Variants in SYT16 observed in about 807,000 individuals in gnomAD.
SYT16 encodes synaptotagmin-16.
A neutral mutation model predicts 61.4 loss-of-function variants in SYT16; 42 were observed. That is an observed-to-expected ratio of 0.68 (90% CI 0.53 to 0.89). The LOEUF (loss-of-function observed/expected upper bound fraction) is 0.89, where lower values mean the gene tolerates loss of function less well. SYT16 is among the 40% of genes least tolerant of loss of function. The probability of loss-of-function intolerance (pLI) is 0.00; values close to 1 mark genes in which losing one functional copy is unlikely to be tolerated. For missense variants in SYT16, 804 were observed against 807.3 expected (o/e 1.00, Z 0.05); for synonymous variants, 314 against 302.3 (o/e 1.04, Z -0.40).
In SYT16 at chr14:62,084,245, C is replaced by T; in HGVS notation, c.1484C>T (p.Thr495Ile). 1 of 1,613,940 alleles carries T rather than the reference C, an allele frequency of 6.2e-7. No homozygotes were observed. Among genetic ancestry groups the T allele is most frequent in the South Asian group, 1.1e-5 (1 of 91,072 alleles). ...TCTGCGGTTTCTCACAGTGATAGTA[C>T]TTCATCCACGCAGTCGCTGTCTCAT... ...SPSAVSHSDS[T>I]SSTQSLSHGG... Residue 495 changes from threonine to isoleucine, a missense_variant, in exon 7 of 8, where the codon ACT (threonine) becomes ATT (isoleucine). Physicochemically the swap from Thr to Ile is moderately conservative, Grantham distance 89. Transcript: ENST00000683842.
intron 3 of SYT16, among the ~76,000 whole-genome samples, chr14:62,054,329 C>G (rs1223277969): frequency 6.8e-6 from 1 of 146,560 alleles, no homozygotes; most frequent in Non-Finnish European, 1.5e-5. Context: ...TTGAATATGG[C>G]CTTTATAAAA....
intron 1 of SYT16, among the ~76,000 whole-genome samples, chr14:61,834,985 G>A (rs1184411357): frequency 2.6e-5 from 4 of 152,164 alleles, no homozygotes; most frequent in African/African-American, 2.4e-5. Flanking sequence ...TTTCATTAAG[G>A]TCTTAAAGAA....
chr14:62,045,856 T>C (rs2054956612), intron 3 of SYT16, among the ~76,000 whole-genome samples: 1 of 152,222 alleles, frequency 6.6e-6, no homozygotes, highest in African/African-American at 2.4e-5. Context: ...CTATCATTGT[T>C]GGACATTTAG....
chr14:62,074,241 G>A (rs184019846), intron 4 of SYT16, among the ~76,000 whole-genome samples: 1 of 152,314 alleles, frequency 6.6e-6, no homozygotes, highest in East Asian at 1.9e-4. Context: ...GGTGAGGGGT[G>A]CTGAGAGAGA....
intron 1 of SYT16, among the ~76,000 whole-genome samples, chr14:61,926,337 C>T (rs2049536634): frequency 6.6e-6 from 1 of 152,172 alleles, no homozygotes; most frequent in African/African-American, 2.4e-5. Flanking sequence ...AGGACATAGA[C>T]AGACATATGA....
chr14:61,996,128 G>C lies in SYT16; in HGVS notation c.109G>C (p.Ala37Pro). The C allele has an allele frequency of 2.5e-6, 4 of 1,613,306 alleles. No individual in the cohort carries two copies. The highest frequency in any genetic ancestry group is 3.4e-6 in the Non-Finnish European group (4 of 1,179,528). ...CCAGCAAGCAGGAGATATGTTATCTGCTTCGCTGGTTAACATAAGCAAACA... is the reference window on the plus strand; with the variant it reads ...CCAGCAAGCAGGAGATATGTTATCTCCTTCGCTGGTTAACATAAGCAAACA... ...ALQQAGDMLS[A>P]SLVNISKQDS... The change falls in exon 3 of 8, where the codon GCT becomes CCT. Residue 37 changes from alanine to proline, a missense_variant. Transcript: ENST00000683842.
At chr14:61,980,944 G>T (rs1218463440) in intron 2 of SYT16, among the ~76,000 whole-genome samples, 2 of 111,772 alleles carry the variant, frequency 1.8e-5, no homozygotes, top group African/African-American at 7.8e-5. Flanking sequence ...TACCAACATT[G>T]TGTGTGTGTG....
At chr14:62,082,689 A>T (rs1412529399) in intron 6 of SYT16, among the ~76,000 whole-genome samples, 1 of 152,196 alleles carries the variant, frequency 6.6e-6, no homozygotes, top group African/African-American at 2.4e-5. Flanking sequence ...ATCGGAAATG[A>T]TGGAAAACAG....
chr14:61,999,918 T>C (rs936128483), intron 3 of SYT16, among the ~76,000 whole-genome samples: 1 of 151,714 alleles, frequency 6.6e-6, no homozygotes, highest in Non-Finnish European at 1.5e-5. Flanking sequence ...AGCACATACT[T>C]TCCGTTATTT....
chr14:61,927,749 G>A (rs35239177), intron 1 of SYT16, among the ~76,000 whole-genome samples: 5,226 of 152,252 alleles, frequency 0.034, 135 homozygotes, highest in Non-Finnish European at 0.056. Context: ...TGCTAGGTGG[G>A]AACTGCAGTT....
intron 3 of SYT16, among the ~76,000 whole-genome samples, chr14:62,028,582 T>C (rs763828560): frequency 6.6e-6 from 1 of 152,094 alleles, no homozygotes; most frequent in Admixed American, 6.6e-5. Context: ...GTTGGAAAAA[T>C]TTTTATATTA....
At chr14:61,875,160 A>C (rs1344579436) in intron 1 of SYT16, among the ~76,000 whole-genome samples, 2 of 152,248 alleles carry the variant, frequency 1.3e-5, no homozygotes, top group African/African-American at 4.8e-5. Context: ...GCATTGCTCA[A>C]AATTGATAAG....
At chr14:61,827,237 C>A (rs1202296547) in intron 1 of SYT16, among the ~76,000 whole-genome samples, 1 of 152,204 alleles carries the variant, frequency 6.6e-6, no homozygotes, top group Non-Finnish European at 1.5e-5. Context: ...TCAGCCCTAT[C>A]TCTGTTCCCC....
chr14:61,864,481 A>G lies in SYT16; in HGVS notation c.-325+51671A>G, dbSNP rs114270851. Among the ~76,000 whole-genome samples, 896 of 152,378 alleles carry G rather than the reference A, an allele frequency of 5.9e-3. 13 individuals are homozygous for G. Among genetic ancestry groups the G allele is most frequent in the African/African-American group, 0.021 (864 of 41,602 alleles). On this transcript the variant is annotated intron_variant, in intron 1 of 7. Transcript: ENST00000683842. ...GGGCTCCGCTGTCCACTGGCGCAGT[A>G]CTTGGCAGCGGCCAGCGTGGGCCGC...
chr14:61,838,780 G>A (rs1448785843), intron 1 of SYT16, among the ~76,000 whole-genome samples: 1 of 152,162 alleles, frequency 6.6e-6, no homozygotes, highest in Admixed American at 6.5e-5. Context: ...TTATTGGAAG[G>A]GAGAAGGGAA....
intron 3 of SYT16, among the ~76,000 whole-genome samples, chr14:62,006,819 T>A (rs1276042168): frequency 6.6e-6 from 1 of 152,210 alleles, no homozygotes; most frequent in Non-Finnish European, 1.5e-5. Context: ...ATGCTTTTTT[T>A]GAAGCTGTTT....
In SYT16 at chr14:61,933,250, G is replaced by T. The variant is rs79316685; in HGVS notation, c.-324-36882G>T. Among the ~76,000 whole-genome samples the T allele has an allele frequency of 6.1e-3, 936 of 152,322 alleles. 10 individuals carry two copies. Among genetic ancestry groups the T allele is most frequent in the African/African-American group, 0.021 (879 of 41,560 alleles). On this transcript the variant is annotated intron_variant, in intron 1 of 7. Transcript: ENST00000683842. Reference sequence around the variant, plus strand: ...AGAGCCGGGAGGAGGGGAAGAGACAGACACAAAGCTCCTTTCCCATTGTCT... The same window carrying T: ...AGAGCCGGGAGGAGGGGAAGAGACATACACAAAGCTCCTTTCCCATTGTCT...
intron 1 of SYT16, among the ~76,000 whole-genome samples, chr14:61,880,100 A>G (rs1056369123): frequency 2.0e-5 from 3 of 152,172 alleles, no homozygotes; most frequent in Non-Finnish European, 4.4e-5. Flanking sequence ...GTTCCCACCA[A>G]AAGCTGCTTC....
chr14:61,949,017 T>C (rs1006642928), intron 1 of SYT16, among the ~76,000 whole-genome samples: 3 of 152,316 alleles, frequency 2.0e-5, no homozygotes, highest in East Asian at 1.9e-4. Flanking sequence ...ATCTACCTAG[T>C]AGATGGATGG....
Sources: gnomAD v4.1 joint callset for allele counts (sites outside exome capture counted in the v4.1 genomes callset) on GRCh38, gnomAD v4.1.1 for gene constraint, MANE v1.5 for transcripts, NCBI Gene and HGNC (gene_info 2026-07-23, HGNC 2026-07-21) for gene names.